The following KCNQ1OT1 variants were observed in gnomAD, a reference collection of about 807,000 sequenced individuals.
KCNQ1OT1 encodes the protein KCNQ1 opposite strand/antisense transcript 1.
At chr11:2,630,445 C>A (rs1347732862) in exon 1 of KCNQ1OT1, 2 of 398,026 alleles carry the variant, frequency 5.0e-6, no homozygotes, top group East Asian at 3.6e-5. Flanking sequence ...TGGGATTGTT[C>A]CCTCTTTGTT....
chr11:2,654,838 C>T lies in KCNQ1OT1; in HGVS notation n.45157G>A, dbSNP rs1285113587. The T allele has an allele frequency of 2.5e-6, 1 of 398,438 alleles. No individual in the cohort carries two copies. Among genetic ancestry groups the T allele is most frequent in the Non-Finnish European group, 4.4e-6 (1 of 226,094 alleles). The allele number at this position is 398,438 out of a possible 1,614,324, so 24.7% of individuals were successfully genotyped here. Reference sequence around the variant, plus strand: ...TCATGATAGGAGAGCTCTATGTAGCCTCATGGGCAGCTCCAGGCCAGGTGG... The same window carrying T: ...TCATGATAGGAGAGCTCTATGTAGCTTCATGGGCAGCTCCAGGCCAGGTGG... On this transcript the variant is annotated non_coding_transcript_exon_variant, in exon 1 of 1. Transcript: ENST00000597346. This position sits in a 1 kb window ranked among gnomAD's most constrained non-coding sequence, Gnocchi z 6.4.
chr11:2,693,551 C>A (rs1166541336), exon 1 of KCNQ1OT1: 2 of 398,624 alleles, frequency 5.0e-6, no homozygotes, highest in Admixed American at 4.4e-5. Flanking sequence ...AGGTTGAGCC[C>A]AAGGCTTTTC....
chr11:2,655,087 T>A (rs1415447744), exon 1 of KCNQ1OT1: 13 of 398,434 alleles, frequency 3.3e-5, no homozygotes, highest in Non-Finnish European at 5.8e-5. Flanking sequence ...CCTGTATTTT[T>A]AAAAAAATAA....
At chr11:2,638,110 G>A (rs1213584306) in exon 1 of KCNQ1OT1, 1 of 152,168 alleles carries the variant, frequency 6.6e-6, no homozygotes. Flanking sequence ...ACAGCACACT[G>A]ATGGGTCTTG....
At chr11:2,662,735 C>CCA (rs1849988429) in exon 1 of KCNQ1OT1, 3 of 400,356 alleles carry the variant, frequency 7.5e-6, no homozygotes, top group Non-Finnish European at 1.3e-5. Flanking sequence ...TCCATTCTGG[C>CCA]CACAGTCCCA....
chr11:2,646,426 G>A (rs369669203), exon 1 of KCNQ1OT1: 6 of 398,362 alleles, frequency 1.5e-5, no homozygotes, highest in South Asian at 2.5e-4. Flanking sequence ...CACCTCCTTG[G>A]TTAAGCTTTG....
At chr11:2,656,398 C>T in exon 1 of KCNQ1OT1, 3 of 398,646 alleles carry the variant, frequency 7.5e-6, no homozygotes, top group East Asian at 3.6e-5. Flanking sequence ...ATGTCATGGG[C>T]ACAGAGCCCT....
exon 1 of KCNQ1OT1, chr11:2,662,859 A>G (rs1849993389): frequency 2.5e-6 from 1 of 398,656 alleles, no homozygotes; most frequent in Non-Finnish European, 4.4e-6. Context: ...CCTTCTCTCT[A>G]CCAACATTTT....
chr11:2,695,550 A>G lies in KCNQ1OT1; in HGVS notation n.4445T>C, dbSNP rs1013751245. The G allele has an allele frequency of 3.8e-5, 15 of 398,492 alleles. No individual in the cohort carries two copies. Among genetic ancestry groups the G allele is most frequent in the Admixed American group, 1.3e-4 (3 of 22,704 alleles). 24.7% of individuals were successfully genotyped at this position (398,492 alleles called of 1,614,324 possible). ...CTCCAACTGCCCACCCCTATGGGCC[A>G]TGCTGCCCTGAGCATGCACACACAC... On this transcript the variant is annotated non_coding_transcript_exon_variant, in exon 1 of 1. Coordinates refer to ENST00000597346, the Ensembl canonical transcript of KCNQ1OT1. The surrounding 1 kb of genome is among the most constrained non-coding windows in gnomAD (Gnocchi z 5.2).
exon 1 of KCNQ1OT1, chr11:2,665,829 T>C (rs1590017929): frequency 2.5e-6 from 1 of 398,680 alleles, no homozygotes; most frequent in Non-Finnish European, 4.4e-6. Context: ...GTGCCAGTGC[T>C]GAGGCACAGG....
rs1045674232 is a variant in KCNQ1OT1, at chr11:2,673,733, G to A, written n.26262C>T. ...TCTCAGGGCTTGGAAGGCCCAGACT[G>A]GACAGGGGAAGGGGTACAGTCCCTT... On this transcript the variant is annotated non_coding_transcript_exon_variant, in exon 1 of 1. Transcript: ENST00000597346. The surrounding 1 kb of genome is among the most constrained non-coding windows in gnomAD (Gnocchi z 4.5). 1.5e-5 allele frequency: 6 copies of A among 398,464 alleles called. No individual in the cohort carries two copies. Among genetic ancestry groups the A allele is most frequent in the Non-Finnish European group, 2.7e-5 (6 of 226,164 alleles). 24.7% of individuals were successfully genotyped at this position (398,464 alleles called of 1,614,324 possible).
rs1850507973 is a variant in KCNQ1OT1 at position 2,687,353 on chromosome 11, G to C, written n.12642C>G. On this transcript the variant is annotated non_coding_transcript_exon_variant, in exon 1 of 1. Transcript: ENST00000597346. This position sits in a 1 kb window ranked among gnomAD's most constrained non-coding sequence, Gnocchi z 5.0. The stretch of plus-strand genomic sequence containing the variant: ...GTGAGCCAGAGGCTGAGGTAGCCAG[G>C]TCTGCCTTGGGCTGTCACTCAGGGC... The C allele has an allele frequency of 5.0e-6, 2 of 398,586 alleles. No individual in the cohort carries two copies. 24.7% of individuals were successfully genotyped at this position (398,586 alleles called of 1,614,324 possible).
At chr11:2,648,981 C>CTTTTTTCTTTTTTTTTTTTTT in exon 1 of KCNQ1OT1, 1 of 213,306 alleles carries the variant, frequency 4.7e-6, no homozygotes, top group Non-Finnish European at 7.8e-6. Flanking sequence ...TTTTCTTTTT[C>CTTTTTTCTTTTTTTTTTTTTT]TTTTTTTTTT....
Position 2,612,164 on chromosome 11 carries a change from G to A in KCNQ1OT1, n.87831C>T. On this transcript the variant is annotated non_coding_transcript_exon_variant, in exon 1 of 1. Transcript: ENST00000597346. The surrounding 1 kb of genome is among the most constrained non-coding windows in gnomAD (Gnocchi z 5.5). The stretch of plus-strand genomic sequence containing the variant: ...GGCCTATTAGAAACTGGGCTACACA[G>A]CAGGAGGTGAGCAGCAGGCAAGCAA... The A allele has an allele frequency of 5.0e-6, 2 of 398,674 alleles. No homozygotes were observed. Among genetic ancestry groups the A allele is most frequent in the Non-Finnish European group, 8.8e-6 (2 of 226,086 alleles). The allele number at this position is 398,674 out of a possible 1,614,324, so 24.7% of individuals were successfully genotyped here. A position where few individuals can be genotyped will look rare whatever the true frequency, so the allele number is the denominator to read the frequency against.
At position 2,626,872 on chromosome 11, in the gene KCNQ1OT1, TTCA is replaced by T. The variant is rs1201295850; in HGVS notation, n.73120_73122del. The T allele has an allele frequency of 2.5e-6, 1 of 398,496 alleles. No individual in the cohort carries two copies. Among genetic ancestry groups the T allele is most frequent in the African/African-American group, 2.1e-5 (1 of 48,632 alleles). 24.7% of individuals were successfully genotyped at this position (398,496 alleles called of 1,614,324 possible). On this transcript the variant is annotated non_coding_transcript_exon_variant, in exon 1 of 1. Transcript: ENST00000597346. This position sits in a 1 kb window ranked among gnomAD's most constrained non-coding sequence, Gnocchi z 4.0. ...AGAAAGTGTGAGTCCTCCAATGTTG[TTCA>T]TCATTTTCAAGAATGTTTTAGCTAT... is the stretch of plus-strand genomic sequence containing the variant.
At position 2,662,061 on chromosome 11, in the gene KCNQ1OT1, A is replaced by G. The variant is rs2133856204; in HGVS notation, n.37934T>C. 7 of 1,614,168 alleles carry G rather than the reference A, an allele frequency of 4.3e-6. No homozygotes were observed. The highest frequency in any genetic ancestry group is 2.2e-5 in the East Asian group (1 of 44,874). ...ACCTGGAAGGGGAGACTCTGCTGAC[A>G]CCCATCACCCACATCTCACAGTGAG... On this transcript the variant is annotated non_coding_transcript_exon_variant, in exon 1 of 1. Coordinates refer to ENST00000597346, the Ensembl canonical transcript of KCNQ1OT1.
At chr11:2,629,276 T>C (rs1048954547) in exon 1 of KCNQ1OT1, 2 of 398,316 alleles carry the variant, frequency 5.0e-6, no homozygotes, top group African/African-American at 4.1e-5. Flanking sequence ...GTTCAATGTT[T>C]CATAGTTTTC....
rs1000117338 is a variant in KCNQ1OT1, at chr11:2,617,856, C to T, written n.82139G>A. 1 of 398,350 alleles carries T rather than the reference C, an allele frequency of 2.5e-6. No individual in the cohort carries two copies. The highest frequency in any genetic ancestry group is 2.1e-5 in the African/African-American group (1 of 48,604). The allele number at this position is 398,350 out of a possible 1,614,324, so 24.7% of individuals were successfully genotyped here. A position where few individuals can be genotyped will look rare whatever the true frequency, so the allele number is the denominator to read the frequency against. ...TCTTTGCAAAAATGTCTACTCAGTTCCACTGCCCATTTTTTAATTGGGTTA... is the reference window on the plus strand; with the variant it reads ...TCTTTGCAAAAATGTCTACTCAGTTTCACTGCCCATTTTTTAATTGGGTTA... On this transcript the variant is annotated non_coding_transcript_exon_variant, in exon 1 of 1. Transcript: ENST00000597346. This position sits in a 1 kb window ranked among gnomAD's most constrained non-coding sequence, Gnocchi z 4.6.
chr11:2,617,668 C>T lies in KCNQ1OT1; in HGVS notation n.82327G>A. On this transcript the variant is annotated non_coding_transcript_exon_variant, in exon 1 of 1. Transcript: ENST00000597346. The surrounding 1 kb of genome is among the most constrained non-coding windows in gnomAD (Gnocchi z 4.6). Reference sequence around the variant, plus strand: ...TTTTCATTATGACTGCACCAATCTACAGTCCCACCAACACTGTACAAGAGT... The same window carrying T: ...TTTTCATTATGACTGCACCAATCTATAGTCCCACCAACACTGTACAAGAGT... 2.5e-6 allele frequency: 1 copy of T among 398,478 alleles called. No homozygotes were observed. The highest frequency in any genetic ancestry group is 3.6e-5 in the East Asian group (1 of 28,054). 24.7% of individuals were successfully genotyped at this position (398,478 alleles called of 1,614,324 possible).
Sources: gnomAD v4.1 joint callset for allele counts on GRCh38, gnomAD v4.1.1 for gene constraint, Gnocchi (gnomAD v3.1) non-coding constraint, MANE v1.5 for transcripts, NCBI Gene and HGNC (gene_info 2026-07-23, HGNC 2026-07-21) for gene names.